Variants in SUPT3H observed in about 807,000 individuals in gnomAD.
SUPT3H encodes SPT3 homolog, SAGA and STAGA complex component.
SUPT3H carries 44 observed loss-of-function variants against 44.3 expected under a neutral mutation model. That is an observed-to-expected ratio of 0.99 (90% CI 0.78 to 1.28). SUPT3H has a LOEUF of 1.28. Among genes scored for constraint, SUPT3H ranks in the 50% most tolerant of loss-of-function variants. The pLI, the probability that SUPT3H is intolerant of heterozygous loss-of-function variation, is 0.00. For synonymous variants in SUPT3H, 124 were observed against 125.6 expected (o/e 0.99, Z 0.09); for missense variants, 380 against 387.1 (o/e 0.98, Z 0.15).
chr6:45,087,109 A>G (rs1185088642), intron 3 of SUPT3H, among the ~76,000 whole-genome samples: 1 of 151,958 alleles, frequency 6.6e-6, no homozygotes, highest in Non-Finnish European at 1.5e-5. Context: ...TGGCTACATA[A>G]AGCATAGCAA....
At chr6:45,346,126 A>G (rs535136710) in intron 2 of SUPT3H, among the ~76,000 whole-genome samples, 6 of 152,232 alleles carry the variant, frequency 3.9e-5, no homozygotes, top group African/African-American at 1.4e-4. Flanking sequence ...CTATAGTAGC[A>G]TATCTGTAAC....
intron 11 of SUPT3H, among the ~76,000 whole-genome samples, chr6:44,814,209 T>G (rs908061627): frequency 1.3e-5 from 2 of 152,116 alleles, no homozygotes; most frequent in African/African-American, 4.8e-5. Context: ...AATGCAAAAC[T>G]TTAGGAAAAG....
chr6:45,277,522 G>A (rs892515611), intron 2 of SUPT3H, among the ~76,000 whole-genome samples: 4 of 152,068 alleles, frequency 2.6e-5, no homozygotes, highest in Admixed American at 2.0e-4. Flanking sequence ...TGGATCTGGA[G>A]GGCCACAGAC....
At chr6:44,861,425 C>T (rs1209831117) in intron 10 of SUPT3H, among the ~76,000 whole-genome samples, 2 of 151,228 alleles carry the variant, frequency 1.3e-5, no homozygotes, top group Non-Finnish European at 1.5e-5. Context: ...CTCACTCTGT[C>T]GCTCAGGATG....
intron 2 of SUPT3H, among the ~76,000 whole-genome samples, chr6:45,163,431 G>A (rs547199407): frequency 1.3e-5 from 2 of 152,062 alleles, no homozygotes; most frequent in Non-Finnish European, 2.9e-5. Flanking sequence ...ATGTAAAGTA[G>A]TGAGCATAAT....
chr6:45,212,110 G>C (rs948169647), intron 2 of SUPT3H, among the ~76,000 whole-genome samples: 4 of 150,208 alleles, frequency 2.7e-5, no homozygotes, highest in African/African-American at 9.8e-5. Flanking sequence ...AGGCTGAAGT[G>C]AGCCAAGATT....
At chr6:45,365,101 T>G (rs193267695) in intron 2 of SUPT3H, 100 bp downstream of exon 2, 25 of 763,396 alleles carry the variant, frequency 3.3e-5, no homozygotes, top group Non-Finnish European at 4.5e-5. Context: ...AATAACAAAT[T>G]ATTTCCAAGT....
intron 9 of SUPT3H, among the ~76,000 whole-genome samples, chr6:44,939,503 G>A (rs940832935): frequency 3.9e-5 from 6 of 151,990 alleles, no homozygotes; most frequent in Non-Finnish European, 8.8e-5. Context: ...TGTTCATCAG[G>A]GATATTGGTC....
chr6:44,951,706 CT>C (rs1454880038), intron 9 of SUPT3H, among the ~76,000 whole-genome samples: 5 of 152,108 alleles, frequency 3.3e-5, no homozygotes, highest in African/African-American at 1.2e-4. Flanking sequence ...GAGCAGTTGC[CT>C]AGGGCAGCTT....
downstream of SUPT3H, among the ~76,000 whole-genome samples, chr6:44,822,622 C>T (rs760583379): frequency 8.5e-5 from 13 of 152,114 alleles, no homozygotes; most frequent in Non-Finnish European, 1.8e-4. Context: ...AGACTGATGG[C>T]ACAGTGACCT....
At chr6:45,148,192 A>T (rs1211014547) in intron 2 of SUPT3H, among the ~76,000 whole-genome samples, 2 of 152,198 alleles carry the variant, frequency 1.3e-5, no homozygotes, top group African/African-American at 4.8e-5. Context: ...AATAGGAGTT[A>T]TAGAAAATTC....
At chr6:45,276,457 TAGATTA>T (rs1341257288) in intron 2 of SUPT3H, among the ~76,000 whole-genome samples, 9 of 152,190 alleles carry the variant, frequency 5.9e-5, no homozygotes, top group Non-Finnish European at 1.5e-5. Context: ...GTCTGTGAGA[TAGATTA>T]CAATAATGGC....
chr6:44,881,428 C>T (rs1778204062), intron 10 of SUPT3H, among the ~76,000 whole-genome samples: 1 of 152,024 alleles, frequency 6.6e-6, no homozygotes, highest in Admixed American at 6.6e-5. Context: ...GACTCCCACA[C>T]AATAATAGTG....
intron 2 of SUPT3H, among the ~76,000 whole-genome samples, chr6:45,258,024 C>T (rs10456549): frequency 0.23 from 34,538 of 151,954 alleles, 4,607 homozygotes; most frequent in Non-Finnish European, 0.31. Context: ...ACCTCAAATC[C>T]CAGAAAACGT....
At position 45,277,671 on chromosome 6, in the gene SUPT3H, G is replaced by T. The variant is rs114152475; in HGVS notation, c.101+87530C>A. ...TTTGGTGTAACTCCATATTCTCTGTGTCAGGATTTACACACACGCAATTCC... is the reference window on the plus strand; with the variant it reads ...TTTGGTGTAACTCCATATTCTCTGTTTCAGGATTTACACACACGCAATTCC... On this transcript the variant is annotated intron_variant, in intron 2 of 10. Coordinates refer to ENST00000371459, the MANE Select transcript of SUPT3H (RefSeq NM_003599.4). Among the ~76,000 whole-genome samples, 389 of 152,258 alleles carry T rather than the reference G, an allele frequency of 2.6e-3. 3 individuals carry two copies. Among genetic ancestry groups the T allele is most frequent in the African/African-American group, 8.5e-3 (355 of 41,530 alleles).
Position 44,827,658 on chromosome 6 carries a change from G to GAAGT in SUPT3H, c.*2154_*2157dup, listed in dbSNP as rs1481634318. On this transcript the variant is annotated 3_prime_UTR_variant, in exon 11 of 11. Coordinates refer to ENST00000371459, the MANE Select transcript of SUPT3H (RefSeq NM_003599.4). ...TTTGTTTCTATAGTCACTGCTGAAG[G>GAAGT]AAGTTTTATTTCACTTCAAATTTAG... 1.3e-5 allele frequency among the ~76,000 whole-genome samples: 2 copies of GAAGT among 152,030 alleles called. No homozygotes were observed. Among genetic ancestry groups the GAAGT allele is most frequent in the Non-Finnish European group, 2.9e-5 (2 of 67,954 alleles).
intron 2 of SUPT3H, among the ~76,000 whole-genome samples, chr6:45,165,388 A>G (rs1343784755): frequency 6.6e-6 from 1 of 152,208 alleles, no homozygotes; most frequent in Non-Finnish European, 1.5e-5. Flanking sequence ...AAATGTGCCT[A>G]TTTCCAGGAG....
At chr6:44,973,822 A>C (rs535278301) in intron 6 of SUPT3H, among the ~76,000 whole-genome samples, 2 of 152,170 alleles carry the variant, frequency 1.3e-5, no homozygotes, top group African/African-American at 4.8e-5. Flanking sequence ...GGTGGCAGCA[A>C]AGAGGAGAAG....
chr6:45,045,363 A>T (rs1789219330), intron 3 of SUPT3H, among the ~76,000 whole-genome samples: 1 of 152,096 alleles, frequency 6.6e-6, no homozygotes, highest in Non-Finnish European at 1.5e-5. Flanking sequence ...AAGTATTAAG[A>T]CCTCTAAATT....
Sources: allele counts gnomAD v4.1 joint callset (sites outside exome capture counted in the v4.1 genomes callset), GRCh38; gene constraint gnomAD v4.1.1; transcripts MANE v1.5; gene names NCBI Gene and HGNC (gene_info 2026-07-23, HGNC 2026-07-21).